Variants in SGCZ observed in about 807,000 individuals in gnomAD.
SGCZ encodes the protein zeta-sarcoglycan.
In SGCZ, 40 loss-of-function variants were observed where a neutral mutation model predicts 41.3. The ratio of observed to expected loss-of-function variants is 0.97; its 90% confidence interval spans 0.75 to 1.26. The LOEUF (loss-of-function observed/expected upper bound fraction) is 1.26. SGCZ is among the 50% of genes most tolerant of loss of function. The pLI, the probability that SGCZ is intolerant of heterozygous loss-of-function variation, is 0.00. For missense variants in SGCZ, 552 were observed against 369.8 expected (o/e 1.49, Z -4.04); for synonymous variants, 206 against 137.5 (o/e 1.50, Z -3.49).
intron 1 of SGCZ, among the ~76,000 whole-genome samples, chr8:15,132,570 G>A (rs1349865951): frequency 6.6e-6 from 1 of 152,150 alleles, no homozygotes; most frequent in African/African-American, 2.4e-5. Flanking sequence ...CTAATTTTGG[G>A]AGTACTGTGG....
intron 2 of SGCZ, among the ~76,000 whole-genome samples, chr8:14,353,989 C>T (rs1803198373): frequency 6.6e-6 from 1 of 152,000 alleles, no homozygotes; most frequent in South Asian, 2.1e-4. Context: ...TAAGTAGACC[C>T]TGAATCTGAA....
At chr8:14,786,614 AAG>A (rs543213481) in intron 1 of SGCZ, among the ~76,000 whole-genome samples, 50 of 152,280 alleles carry the variant, frequency 3.3e-4, no homozygotes, top group Admixed American at 1.6e-3. Flanking sequence ...TGTCTCAGAA[AAG>A]AGATGCTGAA....
chr8:14,200,552 A>G (rs936606244), intron 4 of SGCZ, among the ~76,000 whole-genome samples: 4 of 152,212 alleles, frequency 2.6e-5, no homozygotes, highest in Admixed American at 2.6e-4. Flanking sequence ...ACCTGAACAT[A>G]TAAAATAAAT....
intron 1 of SGCZ, among the ~76,000 whole-genome samples, chr8:14,609,061 T>C (rs1392590326): frequency 6.6e-6 from 1 of 152,206 alleles, no homozygotes; most frequent in Non-Finnish European, 1.5e-5. Flanking sequence ...AGCAATCAAA[T>C]ATTTGTTTTT....
chr8:14,876,046 C>T (rs1585340069), intron 1 of SGCZ, among the ~76,000 whole-genome samples: 1 of 152,138 alleles, frequency 6.6e-6, no homozygotes, highest in Admixed American at 6.6e-5. Context: ...AAAATATAGT[C>T]TATGCAACTA....
chr8:15,198,098 A>C lies in SGCZ; in HGVS notation c.39+39487T>G, dbSNP rs141110357. On this transcript the variant is annotated intron_variant, in intron 1 of 7. Transcript: ENST00000382080. ...GGCAATTTGATATGTATTATGATTTATAATTAATGATATAATTATGTGTCA... is the reference window on the plus strand; with the variant it reads ...GGCAATTTGATATGTATTATGATTTCTAATTAATGATATAATTATGTGTCA... Among the ~76,000 whole-genome samples the C allele has an allele frequency of 1.2e-3, 178 of 149,400 alleles. 1 individual carries two copies. In the South Asian group the frequency reaches 0.017, roughly 14 times the overall value.
chr8:14,621,630 T>C (rs1217408405), intron 1 of SGCZ, among the ~76,000 whole-genome samples: 6 of 152,084 alleles, frequency 3.9e-5, no homozygotes, highest in Non-Finnish European at 1.5e-5. Flanking sequence ...GGGAGGCTTA[T>C]ACATCTTCAC....
At chr8:14,203,022 C>T (rs1468398462) in intron 4 of SGCZ, among the ~76,000 whole-genome samples, 3 of 152,104 alleles carry the variant, frequency 2.0e-5, no homozygotes, top group Non-Finnish European at 4.4e-5. Flanking sequence ...GGGAGTTTCC[C>T]TGTACAAGCT....
At chr8:14,187,445 G>A (rs117545537) in intron 4 of SGCZ, among the ~76,000 whole-genome samples, 1 of 152,098 alleles carries the variant, frequency 6.6e-6, no homozygotes, top group Non-Finnish European at 1.5e-5. Context: ...TCAAATAATT[G>A]AAGACAACTA....
chr8:14,344,715 G>A (rs1335671893), intron 2 of SGCZ, among the ~76,000 whole-genome samples: 3 of 151,832 alleles, frequency 2.0e-5, no homozygotes, highest in East Asian at 1.9e-4. Flanking sequence ...TTAATATAAC[G>A]ACTTGAGTTA....
chr8:14,281,723 A>G (rs1800447772), intron 3 of SGCZ, among the ~76,000 whole-genome samples: 1 of 152,082 alleles, frequency 6.6e-6, no homozygotes, highest in Admixed American at 6.5e-5. Flanking sequence ...AACAACAAGG[A>G]ATATTTGTGT....
intron 2 of SGCZ, among the ~76,000 whole-genome samples, chr8:14,483,745 T>C (rs1210664035): frequency 6.6e-6 from 1 of 152,122 alleles, no homozygotes; most frequent in Non-Finnish European, 1.5e-5. Context: ...GAATAACAGG[T>C]TTCAATTAAG....
At chr8:15,218,408 A>G (rs1801487755) in intron 1 of SGCZ, among the ~76,000 whole-genome samples, 2 of 152,228 alleles carry the variant, frequency 1.3e-5, no homozygotes, top group Non-Finnish European at 2.9e-5. Flanking sequence ...ATCCCAATGC[A>G]TATTTTTAGG....
At chr8:14,561,731 C>T (rs930983028) in intron 1 of SGCZ, among the ~76,000 whole-genome samples, 28 of 152,052 alleles carry the variant, frequency 1.8e-4, no homozygotes, top group Non-Finnish European at 3.7e-4. Flanking sequence ...TACTTGGATC[C>T]TCCTGCAATT....
intron 1 of SGCZ, among the ~76,000 whole-genome samples, chr8:15,151,444 T>C (rs566695779): frequency 1.3e-5 from 2 of 152,310 alleles, no homozygotes; most frequent in East Asian, 3.9e-4. Flanking sequence ...ATGGGAGAAA[T>C]GTTCAAAAAT....
At chr8:14,486,253 T>C (rs1221948120) in intron 2 of SGCZ, among the ~76,000 whole-genome samples, 2 of 152,076 alleles carry the variant, frequency 1.3e-5, no homozygotes, top group Non-Finnish European at 2.9e-5. Context: ...GAAAATTGCA[T>C]TGTTGTAGTT....
At chr8:15,025,100 GACT>G (rs143995983) in intron 1 of SGCZ, among the ~76,000 whole-genome samples, 9,422 of 151,948 alleles carry the variant, frequency 0.062, 388 homozygotes, top group Middle Eastern at 0.1. Flanking sequence ...TCATTTTAAT[GACT>G]ACATTTAACA....
At chr8:14,188,847 T>A (rs1804997177) in intron 4 of SGCZ, among the ~76,000 whole-genome samples, 3 of 145,286 alleles carry the variant, frequency 2.1e-5, no homozygotes, top group South Asian at 4.4e-4. Flanking sequence ...TGTTTGTTTT[T>A]TGAGATGGAG....
chr8:14,300,812 TCAGG>T (rs1801160908), intron 3 of SGCZ, among the ~76,000 whole-genome samples: 1 of 152,048 alleles, frequency 6.6e-6, no homozygotes, highest in Non-Finnish European at 1.5e-5. Context: ...TATTTTCTAA[TCAGG>T]CTATTTGTTT....
Sources: allele counts gnomAD v4.1 joint callset (sites outside exome capture counted in the v4.1 genomes callset), GRCh38; gene constraint gnomAD v4.1.1; transcripts MANE v1.5; gene names NCBI Gene and HGNC (gene_info 2026-07-23, HGNC 2026-07-21).